SORCS1: variants seen among roughly 807,000 people sequenced by gnomAD.
The protein encoded by SORCS1 is VPS10 domain-containing receptor SorCS1.
In SORCS1, 60 loss-of-function variants were observed where a neutral mutation model predicts 146.1. That is an observed-to-expected ratio of 0.41 (90% CI 0.33 to 0.51). SORCS1 has a LOEUF of 0.51. SORCS1 is among the 20% of genes least tolerant of loss of function. The pLI, the probability that SORCS1 is intolerant of heterozygous loss-of-function variation, is 0.21. For missense variants in SORCS1, 1,352 were observed against 1,487.6 expected (o/e 0.91, Z 1.50); for synonymous variants, 637 against 584.0 (o/e 1.09, Z -1.31).
At chr10:106,599,295 A>G (rs111829483) in intron 23 of SORCS1, among the ~76,000 whole-genome samples, 12,703 of 151,758 alleles carry the variant, frequency 0.084, 873 homozygotes, top group East Asian at 0.19. Flanking sequence ...TTGAACCCAG[A>G]AGGCAGACGT....
At chr10:106,838,693 C>T (rs1948893993) in intron 2 of SORCS1, among the ~76,000 whole-genome samples, 1 of 152,124 alleles carries the variant, frequency 6.6e-6, no homozygotes, top group African/African-American at 2.4e-5. Flanking sequence ...TGTTTTATTG[C>T]ACTTTATTTT....
intron 24 of SORCS1, among the ~76,000 whole-genome samples, chr10:106,585,232 A>G (rs1845156721): frequency 6.6e-6 from 1 of 151,922 alleles, no homozygotes; most frequent in African/African-American, 2.4e-5. Flanking sequence ...TCAAAAAAAA[A>G]AAAAAATGTA....
intron 10 of SORCS1, among the ~76,000 whole-genome samples, chr10:106,680,040 A>G (rs575341731): frequency 6.6e-6 from 1 of 152,300 alleles, no homozygotes; most frequent in African/African-American, 2.4e-5. Flanking sequence ...TCCATTAATT[A>G]CCATAAAAAG....
intron 1 of SORCS1, among the ~76,000 whole-genome samples, chr10:107,143,318 C>T (rs980778981): frequency 1.3e-5 from 2 of 152,020 alleles, no homozygotes; most frequent in African/African-American, 4.8e-5. Context: ...AGTCCAATCT[C>T]TTATTTTGTT....
chr10:106,841,808 A>G (rs1458809215), intron 2 of SORCS1, among the ~76,000 whole-genome samples: 1 of 152,126 alleles, frequency 6.6e-6, no homozygotes, highest in Admixed American at 6.5e-5. Flanking sequence ...TGGGTGCACC[A>G]TAGTTTCCAG....
chr10:106,933,559 G>A (rs1022016937), intron 2 of SORCS1, among the ~76,000 whole-genome samples: 1 of 152,150 alleles, frequency 6.6e-6, no homozygotes, highest in Admixed American at 6.5e-5. Context: ...AGGCCAAGAA[G>A]TTGCAAACTA....
chr10:106,871,951 C>A (rs1403021167), intron 2 of SORCS1, among the ~76,000 whole-genome samples: 1 of 152,128 alleles, frequency 6.6e-6, no homozygotes, highest in Non-Finnish European at 1.5e-5. Context: ...TTTATTTATT[C>A]AACAATTATT....
intron 1 of SORCS1, among the ~76,000 whole-genome samples, chr10:107,158,570 G>T (rs1370412854): frequency 6.6e-6 from 1 of 152,212 alleles, no homozygotes; most frequent in African/African-American, 2.4e-5. Flanking sequence ...CCTACAGCAT[G>T]TTCTGTCCTC....
intron 1 of SORCS1, among the ~76,000 whole-genome samples, chr10:107,065,415 T>TTTTCTTTTCTTTCTTTCTTTCTTTC (rs1961662984): frequency 4.2e-5 from 5 of 120,396 alleles, no homozygotes; most frequent in Admixed American, 8.3e-5. Flanking sequence ...TCTCTCTTTC[T>TTTTCTTTTCTTTCTTTCTTTCTTTC]TTTCTTTCTT....
intron 1 of SORCS1, among the ~76,000 whole-genome samples, chr10:107,162,124 G>A (rs945851827): frequency 6.6e-6 from 1 of 152,162 alleles, no homozygotes; most frequent in African/African-American, 2.4e-5. Context: ...TTCCTAAACG[G>A]AGGTTAAAAA....
intron 1 of SORCS1, among the ~76,000 whole-genome samples, chr10:107,099,773 A>G (rs1964789943): frequency 6.6e-6 from 1 of 152,216 alleles, no homozygotes; most frequent in African/African-American, 2.4e-5. Flanking sequence ...TCATTCTTTC[A>G]TTTGTTTTGT....
intron 2 of SORCS1, among the ~76,000 whole-genome samples, chr10:106,900,975 T>C (rs565368989): frequency 6.6e-6 from 1 of 152,316 alleles, no homozygotes; most frequent in Non-Finnish European, 1.5e-5. Context: ...TGTGCTTTTT[T>C]CCCACTAACT....
At chr10:107,167,788 G>GTA (rs941828408), upstream of SORCS1, among the ~76,000 whole-genome samples, 37 of 151,694 alleles carry the variant, frequency 2.4e-4, no homozygotes, top group Non-Finnish European at 3.8e-4. Flanking sequence ...ATAAACATAT[G>GTA]TATATATATT....
chr10:106,806,795 G>T (rs995871931), intron 3 of SORCS1, among the ~76,000 whole-genome samples: 1 of 152,038 alleles, frequency 6.6e-6, no homozygotes, highest in Non-Finnish European at 1.5e-5. Context: ...GATTACAGGC[G>T]TGAGCCACCG....
intron 1 of SORCS1, among the ~76,000 whole-genome samples, chr10:106,982,616 C>T (rs180847887): frequency 9.2e-5 from 14 of 152,224 alleles, no homozygotes; most frequent in African/African-American, 4.8e-5. Context: ...GGCATTCAAC[C>T]GTTAAGACAA....
chr10:106,810,215 C>A (rs189743237), intron 3 of SORCS1, among the ~76,000 whole-genome samples: 1 of 151,592 alleles, frequency 6.6e-6, no homozygotes, highest in Non-Finnish European at 1.5e-5. Flanking sequence ...AGTGAGACTC[C>A]GTCTCAGGAA....
chr10:107,017,634 T>G (rs1447880056), intron 1 of SORCS1, among the ~76,000 whole-genome samples: 1 of 152,088 alleles, frequency 6.6e-6, no homozygotes, highest in Admixed American at 6.6e-5. Flanking sequence ...ACAGAATAAT[T>G]TTTTTTAAGT....
intron 2 of SORCS1, among the ~76,000 whole-genome samples, chr10:106,865,106 G>A (rs1950180932): frequency 1.3e-5 from 2 of 151,732 alleles, no homozygotes; most frequent in Admixed American, 1.3e-4. Context: ...TCAGACCCCT[G>A]GCACAGCACA....
chr10:106,726,185 C>CTCTTTTTTTTTTTTTTTT (rs1435746962), intron 6 of SORCS1, among the ~76,000 whole-genome samples: 2 of 66,298 alleles, frequency 3.0e-5, no homozygotes, highest in African/African-American at 6.4e-5. Context: ...CTTTCCCTCT[C>CTCTTTTTTTTTTTTTTTT]TTTTTTTTTT....
Sources: allele counts gnomAD v4.1 joint callset (sites outside exome capture counted in the v4.1 genomes callset), GRCh38; gene constraint gnomAD v4.1.1; transcripts MANE v1.5; gene names NCBI Gene and HGNC (gene_info 2026-07-23, HGNC 2026-07-21).